Variants in KANK4 observed in about 807,000 individuals in gnomAD.
KANK4 encodes KN motif and ankyrin repeat domain-containing protein 4.
A neutral mutation model predicts 80.8 loss-of-function variants in KANK4; 50 were observed. That is an observed-to-expected ratio of 0.62 (90% CI 0.49 to 0.78). KANK4 has a LOEUF of 0.78. Ranked by LOEUF, KANK4 falls within the 30% of genes least tolerant of loss-of-function variation. The probability of loss-of-function intolerance (pLI) is 0.00; values close to 1 mark genes in which losing one functional copy is unlikely to be tolerated. For synonymous variants in KANK4, 465 were observed against 506.9 expected, an observed-to-expected ratio of 0.92 and a Z score of 1.11; for missense variants, 1,196 against 1,240.1, an observed-to-expected ratio of 0.96 and a Z score of 0.53.
chr1:62,237,947 C>A lies in KANK4; in HGVS notation c.*330G>T. The stretch of plus-strand genomic sequence containing the variant: ...TAATGTGCTAATGTGCTCCTGCCTG[C>A]CTGCTTGCTACACAATGTTACAGAG... On this transcript the variant is annotated 3_prime_UTR_variant, in exon 10 of 10. Coordinates refer to ENST00000371153, the MANE Select transcript of KANK4 (RefSeq NM_181712.5). 8.7e-6 allele frequency: 2 copies of A among 229,900 alleles called. No individual in the cohort carries two copies. The highest frequency in any genetic ancestry group is 1.7e-5 in the Non-Finnish European group (2 of 117,720). 14.2% of individuals were successfully genotyped at this position (229,900 alleles called of 1,614,324 possible).
chr1:62,270,116 C>T lies in KANK4; in HGVS notation c.2012+1362G>A, dbSNP rs56850738. On this transcript the variant is annotated intron_variant, in intron 4 of 9. Transcript: ENST00000371153. ...GCCCTGAGATGGGCCTGACCTCAGCCTGTTGGAGGGAGGGAAGGAACGGCA... is the reference window on the plus strand; with the variant it reads ...GCCCTGAGATGGGCCTGACCTCAGCTTGTTGGAGGGAGGGAAGGAACGGCA... Among the ~76,000 whole-genome samples, 337 of 152,272 alleles carry T rather than the reference C, an allele frequency of 2.2e-3. 2 individuals are homozygous for T. Among genetic ancestry groups the T allele is most frequent in the African/African-American group, 7.4e-3 (307 of 41,554 alleles).
chr1:62,254,273 G>C (rs921088354), intron 7 of KANK4, among the ~76,000 whole-genome samples: 15 of 152,132 alleles, frequency 9.9e-5, no homozygotes, highest in African/African-American at 2.9e-4. Context: ...TTGAGACAAG[G>C]TCTCACTCTG....
At chr1:62,250,864 T>C (rs762644964) in intron 8 of KANK4, among the ~76,000 whole-genome samples, 3 of 152,208 alleles carry the variant, frequency 2.0e-5, no homozygotes, top group Non-Finnish European at 4.4e-5. Context: ...AGGGTTGCTA[T>C]CAGATGAAGT....
chr1:62,318,353 A>G (rs1199436456), intron 1 of KANK4, among the ~76,000 whole-genome samples: 2 of 152,340 alleles, frequency 1.3e-5, no homozygotes, highest in African/African-American at 4.8e-5. Flanking sequence ...CGTAGCGGCC[A>G]TGGGCTCGAC....
intron 8 of KANK4, among the ~76,000 whole-genome samples, chr1:62,250,448 C>T (rs1671586512): frequency 6.6e-6 from 1 of 152,200 alleles, no homozygotes; most frequent in Admixed American, 6.5e-5. Context: ...TGCTGCATTG[C>T]CCTGGAGATC....
intron 9 of KANK4, among the ~76,000 whole-genome samples, chr1:62,244,420 A>C (rs1415133593): frequency 6.6e-6 from 1 of 151,996 alleles, no homozygotes; most frequent in African/African-American, 2.4e-5. Context: ...CCCCACCCAA[A>C]TCTCATCTTG....
At chr1:62,309,675 T>A (rs185576178) in intron 1 of KANK4, among the ~76,000 whole-genome samples, 26 of 152,330 alleles carry the variant, frequency 1.7e-4, no homozygotes, top group African/African-American at 6.0e-4. Context: ...CAATCTTTTT[T>A]GTCCCCATTT....
chr1:62,249,733 G>A (rs994633062), intron 8 of KANK4, among the ~76,000 whole-genome samples: 1 of 151,914 alleles, frequency 6.6e-6, no homozygotes, highest in African/African-American at 2.4e-5. Context: ...AGTAGAGACG[G>A]GGTTTCACCA....
intron 1 of KANK4, among the ~76,000 whole-genome samples, chr1:62,289,385 T>C (rs1228079840): frequency 2.0e-5 from 3 of 152,200 alleles, no homozygotes; most frequent in African/African-American, 7.2e-5. Flanking sequence ...GACTCTCTTA[T>C]GAGTTAGAAA....
chr1:62,299,685 A>C (rs944843815), intron 1 of KANK4, among the ~76,000 whole-genome samples: 5 of 152,182 alleles, frequency 3.3e-5, no homozygotes, highest in Admixed American at 3.3e-4. Context: ...TACAATGCTG[A>C]CCATAGTGCT....
intron 2 of KANK4, among the ~76,000 whole-genome samples, chr1:62,278,806 T>G (rs544202702): frequency 6.6e-6 from 1 of 152,252 alleles, no homozygotes; most frequent in African/African-American, 2.4e-5. Context: ...TTTCTCTCCA[T>G]TAGTTTTCCA....
intron 1 of KANK4, among the ~76,000 whole-genome samples, chr1:62,309,363 C>T (rs1644479996): frequency 6.6e-6 from 1 of 152,302 alleles, no homozygotes; most frequent in South Asian, 2.1e-4. Context: ...GGGAGGATAC[C>T]AGCTTTCAGA....
intron 1 of KANK4, among the ~76,000 whole-genome samples, chr1:62,294,147 T>A (rs1482871822): frequency 6.6e-6 from 1 of 152,228 alleles, no homozygotes; most frequent in East Asian, 1.9e-4. Context: ...ATTACTTTGA[T>A]TAGTTTTCTC....
rs1021556159 is a variant in KANK4, at chr1:62,273,876, T to C, written c.1228A>G (p.Thr410Ala). 1.9e-6 allele frequency: 3 copies of C among 1,614,092 alleles called. No individual in the cohort carries two copies. The African/African-American group carries it at 4.0e-5, about 22-fold the overall frequency. ...GGGTCAGTGTTCACCATCACGTCCG[T>C]CTGGCCCTGAGTGTCTTTGGCGTTC... ...QENAKDTQGQ[T>A]DVMVNTDPVH... is the part of the protein sequence containing the mutation. The change falls in exon 3 of 10, where the codon ACG becomes GCG. Residue 410 changes from threonine (T) to alanine (A), a missense_variant. Coordinates refer to ENST00000371153, the MANE Select transcript of KANK4 (RefSeq NM_181712.5).
chr1:62,271,095 A>G (rs923349143), intron 4 of KANK4, among the ~76,000 whole-genome samples: 2 of 152,168 alleles, frequency 1.3e-5, no homozygotes, highest in African/African-American at 2.4e-5. Flanking sequence ...GCAGGAAGTT[A>G]AAGAAAGAAA....
At chr1:62,247,365 C>G (rs1190752448) in intron 9 of KANK4, 107 bp downstream of exon 9, 3 of 946,264 alleles carry the variant, frequency 3.2e-6, no homozygotes, top group Non-Finnish European at 5.0e-6. Context: ...GTCTCGAACT[C>G]CTGGGCTCAA....
At chr1:62,249,051 G>A (rs1393616148) in intron 8 of KANK4, among the ~76,000 whole-genome samples, 1 of 149,058 alleles carries the variant, frequency 6.7e-6, no homozygotes, top group Non-Finnish European at 1.5e-5. Flanking sequence ...GCGGGCGCCT[G>A]CTATTCGGGA....
intron 1 of KANK4, among the ~76,000 whole-genome samples, chr1:62,303,245 G>C (rs1421500952): frequency 3.3e-5 from 5 of 151,994 alleles, no homozygotes; most frequent in Non-Finnish European, 4.4e-5. Flanking sequence ...GCAGTCCCAA[G>C]ACAGGGTCAG....
intron 1 of KANK4, among the ~76,000 whole-genome samples, chr1:62,314,847 C>A (rs932122201): frequency 6.6e-6 from 1 of 152,144 alleles, no homozygotes; most frequent in East Asian, 1.9e-4. Context: ...AGGGCCTGGG[C>A]GAGACAGTGA....
Sources: gnomAD v4.1 joint callset for allele counts (sites outside exome capture counted in the v4.1 genomes callset) on GRCh38, gnomAD v4.1.1 for gene constraint, MANE v1.5 for transcripts, NCBI Gene and HGNC (gene_info 2026-07-23, HGNC 2026-07-21) for gene names.